Variants in MYO9B observed in about 807,000 individuals in gnomAD.
MYO9B encodes myosin IXB.
Under a neutral mutation model 229.5 loss-of-function variants are expected in MYO9B, and 71 were observed. The observed-to-expected ratio is 0.31, with a 90% CI of 0.26 to 0.38. The LOEUF is 0.38. Among genes scored for constraint, MYO9B ranks in the 10% least tolerant of loss-of-function variants. MYO9B has a pLI of 1.00. For missense variants in MYO9B, 2,255 were observed against 2,920.5 expected, an observed-to-expected ratio of 0.77 and a Z score of 5.25; for synonymous variants, 1,185 against 1,235.8, an observed-to-expected ratio of 0.96 and a Z score of 0.86.
At chr19:17,082,042 G>A (rs1370444341) in intron 1 of MYO9B, among the ~76,000 whole-genome samples, 1 of 152,128 alleles carries the variant, frequency 6.6e-6, no homozygotes, top group Non-Finnish European at 1.5e-5. Context: ...GGACCCAAGT[G>A]ACCTTAGGAC....
chr19:17,137,817 G>A (rs1427964887), intron 2 of MYO9B, among the ~76,000 whole-genome samples: 1 of 151,818 alleles, frequency 6.6e-6, no homozygotes, highest in East Asian at 1.9e-4. Flanking sequence ...AAATGCAGCT[G>A]CAGCCTCAAC....
intron 11 of MYO9B, among the ~76,000 whole-genome samples, chr19:17,168,919 A>T (rs1222092228): frequency 6.6e-6 from 1 of 152,166 alleles, no homozygotes; most frequent in Non-Finnish European, 1.5e-5. Flanking sequence ...GTGAAGGCAG[A>T]CAGGTCAATA....
At chr19:17,133,002 A>G (rs2072221468) in intron 2 of MYO9B, among the ~76,000 whole-genome samples, 1 of 151,682 alleles carries the variant, frequency 6.6e-6, no homozygotes, top group Non-Finnish European at 1.5e-5. Context: ...CGCCGCCACC[A>G]CGCCCGGCTA....
chr19:17,105,890 C>G (rs1449973836), intron 2 of MYO9B, among the ~76,000 whole-genome samples: 1 of 152,144 alleles, frequency 6.6e-6, no homozygotes, highest in Admixed American at 6.6e-5. Context: ...GATTCATTGT[C>G]ATTGTTTACA....
At chr19:17,087,719 C>T (rs1005919420) in intron 1 of MYO9B, among the ~76,000 whole-genome samples, 2 of 152,146 alleles carry the variant, frequency 1.3e-5, no homozygotes, top group African/African-American at 4.8e-5. Flanking sequence ...CACCTGAAGT[C>T]AAGAGTTCAC....
At chr19:17,207,337 A>G in intron 35 of MYO9B, 93 bp downstream of exon 35, 2 of 1,498,346 alleles carry the variant, frequency 1.3e-6, no homozygotes, top group Non-Finnish European at 1.8e-6. Context: ...ATAAATGTGT[A>G]AGAAAAGTCC....
chr19:17,191,312 AACAT>A (rs1714180684), intron 20 of MYO9B, 93 bp downstream of exon 20: 1 of 1,209,856 alleles, frequency 8.3e-7, no homozygotes, highest in Non-Finnish European at 1.1e-6. Context: ...CACTCTCTGA[AACAT>A]ACAGGGCTCT....
In MYO9B at chr19:17,102,114, C is replaced by T. The variant is rs759038124; in HGVS notation, c.397C>T (p.Arg133Trp). The change falls in exon 2 of 40, where the codon CGG becomes TGG. Residue 133 changes from arginine (R) to tryptophan (W), a missense_variant. Physicochemically the swap from Arg to Trp is moderately radical, Grantham distance 101 (BLOSUM62 -3). This residue lies in a region of MYO9B where 386 missense variants were observed against 515.2 expected (regional missense o/e 0.75). Transcript: ENST00000682292. ...GCTGGTGGCGCAGGCCACAGCCACCCGGCGCCTAGTGGAGCGTGGCCTCCT... is the reference window on the plus strand; with the variant it reads ...GCTGGTGGCGCAGGCCACAGCCACCTGGCGCCTAGTGGAGCGTGGCCTCCT... The part of the protein sequence containing the change: ...MQLVAQATAT[R>W]RLVERGLLPR... 24 of 1,613,216 alleles carry T rather than the reference C, an allele frequency of 1.5e-5. No homozygotes were observed. The highest frequency in any genetic ancestry group is 4.5e-5 in the East Asian group (2 of 44,874).
In MYO9B at chr19:17,209,642, A is replaced by C. The variant is rs2073202973; in HGVS notation, c.5681A>C (p.Glu1894Ala). The change falls in exon 36 of 40, where the codon GAG (glutamate) becomes GCG (alanine). Residue 1894 changes from glutamate to alanine, a missense_variant. By Grantham distance (107) the Glu-to-Ala change is moderately radical (BLOSUM62 -1). Coordinates refer to ENST00000682292, the MANE Select transcript of MYO9B (RefSeq NM_004145.4). ...QMRKYKVKMEEISQLEAAESI... is the reference protein window; with the variant it reads ...QMRKYKVKMEAISQLEAAESI... The stretch of plus-strand genomic sequence containing the variant: ...AGGAAATACAAAGTGAAGATGGAGG[A>C]GATCAGCCAACTGGAGGCTGCAGAG... 1.2e-6 allele frequency: 2 copies of C among 1,610,446 alleles called. No homozygotes were observed. The highest frequency in any genetic ancestry group is 1.7e-6 in the Non-Finnish European group (2 of 1,178,430).
intron 3 of MYO9B, among the ~76,000 whole-genome samples, chr19:17,146,537 G>T (rs935353353): frequency 6.6e-6 from 1 of 151,756 alleles, no homozygotes; most frequent in Non-Finnish European, 1.5e-5. Context: ...ATTTGTGGGT[G>T]TGTGGATGGG....
rs781340023 is a variant in MYO9B, at chr19:17,172,499, C to G, written c.1935+22C>G. The G allele has an allele frequency of 1.9e-6, 3 of 1,611,248 alleles. No individual in the cohort carries two copies. In the African/African-American group the frequency reaches 4.0e-5, roughly 22 times the overall value. On this transcript the variant is annotated intron_variant, in intron 12 of 39. Coordinates refer to ENST00000682292, the MANE Select transcript of MYO9B (RefSeq NM_004145.4). This position sits in a 1 kb window ranked among gnomAD's most constrained non-coding sequence, Gnocchi z 8.2. Reference sequence around the variant, plus strand: ...CAAGGTAGGTGTCTGCCCATCACCACTGGTGGAAGCCTGAGGGAAGCCACA... The same window carrying G: ...CAAGGTAGGTGTCTGCCCATCACCAGTGGTGGAAGCCTGAGGGAAGCCACA...
chr19:17,125,049 C>T (rs908288990), intron 2 of MYO9B, among the ~76,000 whole-genome samples: 6 of 152,062 alleles, frequency 3.9e-5, no homozygotes, highest in Admixed American at 2.6e-4. Flanking sequence ...CCTGTAATCC[C>T]AGCACTTTGG....
intron 2 of MYO9B, among the ~76,000 whole-genome samples, chr19:17,118,898 C>T (rs760293719): frequency 5.9e-5 from 9 of 152,146 alleles, no homozygotes; most frequent in Admixed American, 4.6e-4. Context: ...GATGAGAAGA[C>T]GACAAGGGCA....
intron 28 of MYO9B, 109 bp from the exon 29 acceptor site, chr19:17,202,733 G>A: frequency 9.0e-7 from 1 of 1,116,626 alleles, no homozygotes; most frequent in Non-Finnish European, 1.3e-6. Flanking sequence ...GCCACTCCAG[G>A]TGAGGGAGGG....
intron 2 of MYO9B, among the ~76,000 whole-genome samples, chr19:17,110,305 C>T (rs140946249): frequency 2.6e-5 from 4 of 152,350 alleles, no homozygotes; most frequent in Non-Finnish European, 4.4e-5. Flanking sequence ...GTTGCCATCA[C>T]CTTTCACCAA....
At chr19:17,107,265 A>G (rs1029556258) in intron 2 of MYO9B, among the ~76,000 whole-genome samples, 3 of 152,132 alleles carry the variant, frequency 2.0e-5, no homozygotes, top group Non-Finnish European at 4.4e-5. Flanking sequence ...TAGTAGGTGA[A>G]TGAATGAGAG....
intron 2 of MYO9B, 136 bp downstream of exon 2, chr19:17,102,693 G>C (rs2057756880): frequency 7.8e-7 from 1 of 1,274,220 alleles, no homozygotes; most frequent in African/African-American, 1.5e-5. Flanking sequence ...TTGAGCCCAG[G>C]AGTTCAAGAT....
chr19:17,078,051 A>T (rs548195156), intron 1 of MYO9B, among the ~76,000 whole-genome samples: 1 of 152,190 alleles, frequency 6.6e-6, no homozygotes, highest in South Asian at 2.1e-4. Flanking sequence ...TTCTCTCCCC[A>T]CATGGACTTG....
intron 16 of MYO9B, 145 bp from the exon 17 acceptor site, chr19:17,184,719 TG>T: frequency 1.0e-6 from 1 of 992,672 alleles, no homozygotes; most frequent in Non-Finnish European, 1.5e-6. Flanking sequence ...ATCAATAGTG[TG>T]GTCCTGAGAC....
Sources: gnomAD v4.1 joint callset for allele counts (sites outside exome capture counted in the v4.1 genomes callset) on GRCh38, gnomAD v4.1.1 for gene constraint, gnomAD v4.1.1 regional missense constraint, Gnocchi (gnomAD v3.1) non-coding constraint, MANE v1.5 for transcripts, NCBI Gene and HGNC (gene_info 2026-07-23, HGNC 2026-07-21) for gene names.